CACNA2D3: variants seen among roughly 807,000 people sequenced by gnomAD.
The protein encoded by CACNA2D3 is calcium voltage-gated channel auxiliary subunit alpha2delta 3.
A neutral mutation model predicts 160.6 loss-of-function variants in CACNA2D3; 60 were observed. That is an observed-to-expected ratio of 0.37 (90% CI 0.30 to 0.46). The LOEUF is 0.46. Among genes scored for constraint, CACNA2D3 ranks in the 20% least tolerant of loss-of-function variants. CACNA2D3 has a pLI of 1.00. For synonymous variants in CACNA2D3, 558 were observed against 492.9 expected (o/e 1.13, Z -1.75); for missense variants, 1,205 against 1,365.0 (o/e 0.88, Z 1.85).
chr3:54,441,962 T>C lies in CACNA2D3; in HGVS notation c.381+55188T>C, dbSNP rs573368571. Among the ~76,000 whole-genome samples, 21 of 152,334 alleles carry C rather than the reference T, an allele frequency of 1.4e-4. 1 individual carries two copies. In the South Asian group the frequency reaches 4.3e-3, roughly 32 times the overall value. ...AAGACCTGTTCCCTTTGCTCAAATA[T>C]GCTTAAATAATTTAAAACTTTTTTT... On this transcript the variant is annotated intron_variant, in intron 4 of 37. Transcript: ENST00000474759.
intron 3 of CACNA2D3, among the ~76,000 whole-genome samples, chr3:54,356,478 A>T (rs1211895416): frequency 1.3e-5 from 2 of 152,174 alleles, no homozygotes; most frequent in Non-Finnish European, 2.9e-5. Flanking sequence ...ACCGAGGTCT[A>T]ACCTTGACAC....
At chr3:54,826,000 T>G (rs1038712628) in intron 14 of CACNA2D3, among the ~76,000 whole-genome samples, 1 of 152,192 alleles carries the variant, frequency 6.6e-6, no homozygotes, top group African/African-American at 2.4e-5. Context: ...TGGCAAAATT[T>G]TTTTGATACA....
chr3:54,469,451 A>G (rs185096847), intron 4 of CACNA2D3, among the ~76,000 whole-genome samples: 81 of 152,362 alleles, frequency 5.3e-4, no homozygotes, highest in African/African-American at 1.9e-3. Flanking sequence ...CCAAAGGTTG[A>G]TAAATCCATG....
At chr3:54,394,330 T>TTTTTTA (rs1553645779) in intron 4 of CACNA2D3, among the ~76,000 whole-genome samples, 1 of 151,290 alleles carries the variant, frequency 6.6e-6, no homozygotes, top group Admixed American at 6.6e-5. Flanking sequence ...TTTTTTTTTT[T>TTTTTTA]TTATTATTAT....
At chr3:54,759,967 G>A (rs892952384) in intron 12 of CACNA2D3, among the ~76,000 whole-genome samples, 4 of 152,204 alleles carry the variant, frequency 2.6e-5, no homozygotes, top group African/African-American at 4.8e-5. Context: ...GCCATTGTGA[G>A]GCCCACATGC....
intron 2 of CACNA2D3, among the ~76,000 whole-genome samples, chr3:54,286,833 C>T (rs1207936387): frequency 2.6e-5 from 4 of 151,766 alleles, no homozygotes; most frequent in Non-Finnish European, 4.4e-5. Context: ...AACTAAGCTT[C>T]GTAAGTGAAG....
chr3:54,144,436 G>A, intron 2 of CACNA2D3, among the ~76,000 whole-genome samples: 1 of 152,236 alleles, frequency 6.6e-6, no homozygotes, highest in Non-Finnish European at 1.5e-5. Context: ...AACTTCATCA[G>A]CGCTCTCCAT....
chr3:55,023,037 T>C (rs185406443), intron 35 of CACNA2D3, among the ~76,000 whole-genome samples: 8 of 152,196 alleles, frequency 5.3e-5, no homozygotes, highest in East Asian at 1.9e-4. Context: ...ACTTCAGAAG[T>C]TTTTCCAAGA....
At chr3:55,046,244 C>A in intron 35 of CACNA2D3, among the ~76,000 whole-genome samples, 1 of 142,280 alleles carries the variant, frequency 7.0e-6, no homozygotes, top group African/African-American at 2.7e-5. Context: ...GATGCTATCC[C>A]TCCCCCCGTC....
At chr3:54,232,604 C>T (rs1190467624) in intron 2 of CACNA2D3, among the ~76,000 whole-genome samples, 1 of 152,154 alleles carries the variant, frequency 6.6e-6, no homozygotes, top group African/African-American at 2.4e-5. Flanking sequence ...GCTTTGAACA[C>T]ATTCCCCAAC....
intron 27 of CACNA2D3, among the ~76,000 whole-genome samples, chr3:54,934,703 G>T (rs945862250): frequency 6.6e-6 from 1 of 152,118 alleles, no homozygotes; most frequent in Admixed American, 6.6e-5. Flanking sequence ...GGTCTTCAAA[G>T]AGCTCACCAG....
intron 2 of CACNA2D3, among the ~76,000 whole-genome samples, chr3:54,289,808 A>C (rs1304276240): frequency 6.6e-6 from 1 of 152,130 alleles, no homozygotes; most frequent in East Asian, 1.9e-4. Flanking sequence ...GTAATGGGGA[A>C]AGGATTCCCT....
intron 2 of CACNA2D3, among the ~76,000 whole-genome samples, chr3:54,288,772 G>T (rs539907723): frequency 1.7e-3 from 252 of 152,068 alleles, no homozygotes; most frequent in African/African-American, 5.9e-3. Flanking sequence ...TTCAATATAC[G>T]CAAATCAATA....
At chr3:54,141,094 C>CGCGCGTGCGCGCGCACGT (rs746521315) in intron 2 of CACNA2D3, among the ~76,000 whole-genome samples, 5 of 81,892 alleles carry the variant, frequency 6.1e-5, no homozygotes, top group African/African-American at 1.9e-4. Context: ...TGTGCGCGCG[C>CGCGCGTGCGCGCGCACGT]GCGCGTGTGT....
intron 4 of CACNA2D3, among the ~76,000 whole-genome samples, chr3:54,409,667 C>T (rs1699633564): frequency 6.6e-6 from 1 of 152,202 alleles, no homozygotes; most frequent in Non-Finnish European, 1.5e-5. Context: ...ATTACAAGTG[C>T]TACTTCAGTG....
intron 2 of CACNA2D3, among the ~76,000 whole-genome samples, chr3:54,232,011 T>G (rs2107393874): frequency 6.6e-6 from 1 of 152,374 alleles, no homozygotes; most frequent in South Asian, 2.1e-4. Flanking sequence ...ATTGTCTCGT[T>G]ATTTAAGCAT....
At chr3:54,792,193 A>G (rs948522952) in intron 13 of CACNA2D3, among the ~76,000 whole-genome samples, 8 of 152,188 alleles carry the variant, frequency 5.3e-5, no homozygotes, top group African/African-American at 1.9e-4. Context: ...TGAGCAGGCA[A>G]CTGATGCCTG....
chr3:54,830,229 C>T (rs1229758780), intron 14 of CACNA2D3, among the ~76,000 whole-genome samples: 1 of 152,102 alleles, frequency 6.6e-6, no homozygotes, highest in African/African-American at 2.4e-5. Context: ...AGGCGTGAGC[C>T]ACCACGCCCA....
At chr3:54,986,444 C>T (rs1163305267) in intron 30 of CACNA2D3, among the ~76,000 whole-genome samples, 1 of 152,162 alleles carries the variant, frequency 6.6e-6, no homozygotes, top group Non-Finnish European at 1.5e-5. Context: ...TACAAATGTC[C>T]TTCTTGCTCC....
Sources: allele counts gnomAD v4.1 joint callset (sites outside exome capture counted in the v4.1 genomes callset), GRCh38; gene constraint gnomAD v4.1.1; transcripts MANE v1.5; gene names NCBI Gene and HGNC (gene_info 2026-07-23, HGNC 2026-07-21).